The following CCSER1 variants were observed in gnomAD, a reference collection of about 807,000 sequenced individuals.
The protein encoded by CCSER1 is serine-rich coiled-coil domain-containing protein 1.
CCSER1 carries 41 observed loss-of-function variants against 82.0 expected under a neutral mutation model. The ratio of observed to expected loss-of-function variants is 0.50; its 90% confidence interval spans 0.39 to 0.65. CCSER1 has a LOEUF of 0.65. Ranked by LOEUF, CCSER1 falls within the 30% of genes least tolerant of loss-of-function variation. CCSER1 has a pLI of 0.00. For synonymous variants in CCSER1, 414 were observed against 383.9 expected (o/e 1.08, Z -0.92); for missense variants, 1,119 against 1,064.2 (o/e 1.05, Z -0.72).
chr4:90,648,056 C>T (rs541449359), intron 6 of CCSER1, among the ~76,000 whole-genome samples: 1 of 151,716 alleles, frequency 6.6e-6, no homozygotes, highest in Admixed American at 6.6e-5. Flanking sequence ...TCACTATCTG[C>T]TTGAGCTTTA....
chr4:90,309,820 A>T (rs1157769121), intron 2 of CCSER1, among the ~76,000 whole-genome samples: 1 of 152,096 alleles, frequency 6.6e-6, no homozygotes. Context: ...ATTCAGCAAT[A>T]TTACTCATTT....
intron 7 of CCSER1, among the ~76,000 whole-genome samples, chr4:90,796,433 A>C (rs1451669013): frequency 2.7e-5 from 4 of 150,190 alleles, no homozygotes; most frequent in Non-Finnish European, 4.4e-5. Flanking sequence ...AAAAAAAAAA[A>C]AACAGCTCTT....
chr4:91,427,868 C>A (rs1754083120), intron 10 of CCSER1, among the ~76,000 whole-genome samples: 1 of 152,010 alleles, frequency 6.6e-6, no homozygotes, highest in African/African-American at 2.4e-5. Context: ...TGTTAGTATG[C>A]TTTTAATATG....
chr4:91,235,617 A>G (rs889751120), intron 10 of CCSER1, among the ~76,000 whole-genome samples: 4 of 152,118 alleles, frequency 2.6e-5, no homozygotes, highest in African/African-American at 9.7e-5. Flanking sequence ...ATCAAGTTTT[A>G]TGTTCTGTAC....
chr4:90,998,295 G>A (rs965609069), intron 9 of CCSER1, among the ~76,000 whole-genome samples: 6 of 152,002 alleles, frequency 3.9e-5, no homozygotes, highest in East Asian at 1.9e-4. Flanking sequence ...GATCAAGCTC[G>A]TCTCAAACTC....
At chr4:91,257,502 C>CACAT (rs3221040) in intron 10 of CCSER1, among the ~76,000 whole-genome samples, 1 of 148,386 alleles carries the variant, frequency 6.7e-6, no homozygotes, top group South Asian at 2.1e-4. Context: ...CACACACACA[C>CACAT]CCATTTCTGT....
chr4:91,417,480 G>C (rs1051719335), intron 10 of CCSER1, among the ~76,000 whole-genome samples: 3 of 152,056 alleles, frequency 2.0e-5, no homozygotes, highest in Admixed American at 2.0e-4. Flanking sequence ...AGGAAATGTG[G>C]TACATATATA....
At chr4:90,553,845 T>C (rs1046331949) in intron 5 of CCSER1, among the ~76,000 whole-genome samples, 4 of 152,196 alleles carry the variant, frequency 2.6e-5, no homozygotes, top group Admixed American at 2.0e-4. Context: ...CATTTTCTCA[T>C]GTGTAAAATG....
intron 10 of CCSER1, among the ~76,000 whole-genome samples, chr4:91,319,353 G>A (rs896894050): frequency 6.6e-6 from 1 of 151,932 alleles, no homozygotes; most frequent in Admixed American, 6.6e-5. Context: ...CCCGGATTTG[G>A]TGATAACTTT....
At chr4:90,562,468 G>A (rs896706854) in intron 5 of CCSER1, among the ~76,000 whole-genome samples, 1 of 152,130 alleles carries the variant, frequency 6.6e-6, no homozygotes, top group Admixed American at 6.5e-5. Flanking sequence ...CATTAAAAAT[G>A]CATTATATGC....
chr4:91,184,952 T>C (rs1171026156), intron 10 of CCSER1, among the ~76,000 whole-genome samples: 1 of 152,214 alleles, frequency 6.6e-6, no homozygotes, highest in African/African-American at 2.4e-5. Flanking sequence ...TACCAGGTTG[T>C]CCATCGGGCC....
chr4:91,308,201 T>A (rs1430107026), intron 10 of CCSER1, among the ~76,000 whole-genome samples: 1 of 152,134 alleles, frequency 6.6e-6, no homozygotes, highest in East Asian at 1.9e-4. Flanking sequence ...CTGTATGGCT[T>A]GCTGTTTACT....
Position 90,310,094 on chromosome 4 carries a change from T to C in CCSER1, c.1324+486T>C, listed in dbSNP as rs527707786. Among the ~76,000 whole-genome samples, 7 of 152,216 alleles carry C rather than the reference T, an allele frequency of 4.6e-5. No homozygotes were observed. In the East Asian group the frequency reaches 1.3e-3, roughly 29 times the overall value. On this transcript the variant is annotated intron_variant, in intron 2 of 10. Transcript: ENST00000509176. ...CCTTTGTTAACTAAGCTTTCATTAT[T>C]AATTAGGATCCATGTTTCAACATAA...
At chr4:90,328,322 G>C (rs771658855) in intron 3 of CCSER1, among the ~76,000 whole-genome samples, 1 of 123,570 alleles carries the variant, frequency 8.1e-6, no homozygotes, top group Non-Finnish European at 1.6e-5. Flanking sequence ...TGCCCTAATA[G>C]TTAATGGATT....
At chr4:91,438,298 G>A (rs1056675582) in intron 10 of CCSER1, among the ~76,000 whole-genome samples, 20 of 152,164 alleles carry the variant, frequency 1.3e-4, no homozygotes, top group African/African-American at 2.2e-4. Context: ...CTAGAGGAAT[G>A]ATCAGACAGC....
intron 10 of CCSER1, among the ~76,000 whole-genome samples, chr4:91,497,338 C>T (rs1758978551): frequency 6.6e-6 from 1 of 151,626 alleles, no homozygotes; most frequent in Non-Finnish European, 1.5e-5. Flanking sequence ...TCTAATATTA[C>T]TGGTTTACAT....
intron 10 of CCSER1, among the ~76,000 whole-genome samples, chr4:91,376,279 C>G (rs1308907490): frequency 6.6e-6 from 1 of 152,096 alleles, no homozygotes; most frequent in African/African-American, 2.4e-5. Context: ...AGAGTGTACA[C>G]AAGCCTAGAT....
chr4:90,506,692 G>T (rs1199897252), intron 5 of CCSER1, among the ~76,000 whole-genome samples: 1 of 151,682 alleles, frequency 6.6e-6, no homozygotes, highest in African/African-American at 2.4e-5. Context: ...TTGAACCTGG[G>T]AGGCGGAGGT....
intron 10 of CCSER1, among the ~76,000 whole-genome samples, chr4:91,558,247 T>C (rs1217646625): frequency 6.6e-6 from 1 of 150,488 alleles, no homozygotes; most frequent in Non-Finnish European, 1.5e-5. Context: ...AAAATATGTG[T>C]ATTATTGGTT....
Sources: gnomAD v4.1 joint callset for allele counts (sites outside exome capture counted in the v4.1 genomes callset) on GRCh38, gnomAD v4.1.1 for gene constraint, MANE v1.5 for transcripts, NCBI Gene and HGNC (gene_info 2026-07-23, HGNC 2026-07-21) for gene names.